UBAP2: variants seen among roughly 807,000 people sequenced by gnomAD.
The protein encoded by UBAP2 is ubiquitin associated protein 2, also known as ubiquitin-associated protein 2.
UBAP2 carries 75 observed loss-of-function variants against 139.6 expected under a neutral mutation model. The ratio of observed to expected loss-of-function variants is 0.54; its 90% CI spans 0.45 to 0.65. The LOEUF is 0.65. UBAP2 is among the 30% of genes least tolerant of loss of function. The pLI, the probability that UBAP2 is intolerant of heterozygous loss-of-function variation, is 0.00. For synonymous variants in UBAP2, 526 were observed against 526.2 expected (o/e 1.00, Z 0.01); for missense variants, 1,368 against 1,369.6 (o/e 1.00, Z 0.02).
At position 33,989,054 on chromosome 9, in the gene UBAP2, CTCTAT is replaced by C. The variant is rs775780791; in HGVS notation, c.356_360del (p.Asn119ArgfsTer29). The C allele has an allele frequency of 6.2e-7, 1 of 1,614,072 alleles. No homozygotes were observed. Among genetic ancestry groups the C allele is most frequent in the Non-Finnish European group, 8.5e-7 (1 of 1,180,002 alleles). On this transcript the variant is annotated frameshift_variant, in exon 5 of 29. Transcript: ENST00000379238. LOFTEE classifies it high-confidence loss of function. ...CTCGATTCTTTCTCGCTTTTCTTCTCTCTATTCTCTTTGTTTTCTGAATTTTCTTT... is the reference window on the plus strand; with the variant it reads ...CTCGATTCTTTCTCGCTTTTCTTCTCTCTCTTTGTTTTCTGAATTTTCTTT...
chr9:34,030,627 T>C (rs1825812329), intron 1 of UBAP2, among the ~76,000 whole-genome samples: 1 of 150,516 alleles, frequency 6.6e-6, no homozygotes, highest in Non-Finnish European at 1.5e-5. Flanking sequence ...GAGACCCTGT[T>C]TCAAAAATAA....
intron 2 of UBAP2, among the ~76,000 whole-genome samples, chr9:34,004,139 T>C (rs1293745644): frequency 6.6e-6 from 1 of 152,184 alleles, no homozygotes; most frequent in Admixed American, 6.5e-5. Context: ...ACAAAGGCTA[T>C]AAAGATATAT....
At chr9:33,943,729 C>A in intron 14 of UBAP2, 140 bp from the exon 15 acceptor site, 1 of 748,558 alleles carries the variant, frequency 1.3e-6, no homozygotes, top group South Asian at 2.2e-5. Flanking sequence ...AGAAAATAGG[C>A]TAAGACTTTT....
chr9:33,956,017 C>A, intron 11 of UBAP2, 62 bp downstream of exon 11: 1 of 1,349,120 alleles, frequency 7.4e-7, no homozygotes, highest in Non-Finnish European at 1.0e-6. Context: ...AATACTTTTC[C>A]TGAGGCAAAA....
intron 2 of UBAP2, among the ~76,000 whole-genome samples, chr9:34,007,437 C>T (rs1823319178): frequency 6.6e-6 from 1 of 151,596 alleles, no homozygotes; most frequent in Non-Finnish European, 1.5e-5. Context: ...GTCAAGGCTA[C>T]CGTGAGCCAT....
At chr9:34,046,453 C>A (rs893285000) in intron 1 of UBAP2, among the ~76,000 whole-genome samples, 1 of 151,884 alleles carries the variant, frequency 6.6e-6, no homozygotes, top group African/African-American at 2.4e-5. Flanking sequence ...ACCATCCCGG[C>A]TAACACAGTG....
At position 33,922,799 on chromosome 9, in the gene UBAP2, AG is replaced by A; in HGVS notation, c.3151del (p.Leu1051TrpfsTer160). 1 of 1,564,276 alleles carries A rather than the reference AG, an allele frequency of 6.4e-7. No homozygotes were observed. Among genetic ancestry groups the A allele is most frequent in the South Asian group, 1.2e-5 (1 of 82,880 alleles). On this transcript the variant is annotated frameshift_variant, in exon 28 of 29. Transcript: ENST00000379238. LOFTEE classifies it high-confidence loss of function. The stretch of plus-strand genomic sequence containing the variant: ...ATAGCCAGGGGCCGCTCCCGAGGCC[AG>A]GGGCCCAGTGGAGCCCAAGACCGAG... ...LPSVLGSTGP[L>X]ASGAAPGYAP... is the part of the protein sequence containing the mutation.
intron 2 of UBAP2, among the ~76,000 whole-genome samples, chr9:34,015,302 T>C (rs927927431): frequency 5.3e-5 from 8 of 152,062 alleles, no homozygotes; most frequent in African/African-American, 1.9e-4. Flanking sequence ...GTATTTAACA[T>C]TAAAAATTTT....
At chr9:34,012,768 G>C (rs1391467795) in intron 2 of UBAP2, among the ~76,000 whole-genome samples, 1 of 151,300 alleles carries the variant, frequency 6.6e-6, no homozygotes, top group Non-Finnish European at 1.5e-5. Flanking sequence ...TTAAAATCTG[G>C]GGAATCTGAA....
chr9:33,927,845 C>CG lies in UBAP2; in HGVS notation c.2322dup (p.Ala775ArgfsTer8). The CG allele has an allele frequency of 6.2e-7, 1 of 1,614,036 alleles. No homozygotes were observed. Among genetic ancestry groups the CG allele is most frequent in the Non-Finnish European group, 8.5e-7 (1 of 1,179,978 alleles). ...CTGCTACTGCTGCTGGATGCACTCG[C>CG]GGGGGTCCCACCCAGACAGAGGCTG... On this transcript the variant is annotated frameshift_variant, in exon 20 of 29. Coordinates refer to ENST00000379238, the MANE Select transcript of UBAP2 (RefSeq NM_001370062.2). LOFTEE classifies it high-confidence loss of function.
intron 1 of UBAP2, among the ~76,000 whole-genome samples, chr9:34,045,580 G>A (rs577058509): frequency 1.3e-5 from 2 of 151,936 alleles, no homozygotes; most frequent in East Asian, 3.9e-4. Context: ...CACCATGTTG[G>A]TTAGGTTAGT....
At chr9:34,014,613 A>G (rs1824083120) in intron 2 of UBAP2, among the ~76,000 whole-genome samples, 1 of 151,810 alleles carries the variant, frequency 6.6e-6, no homozygotes, top group African/African-American at 2.4e-5. Context: ...TGGGCGACAG[A>G]AGGAGACTCC....
intron 15 of UBAP2, among the ~76,000 whole-genome samples, 170 bp downstream of exon 15, chr9:33,943,250 G>C (rs1825385031): frequency 6.6e-6 from 1 of 152,178 alleles, no homozygotes; most frequent in African/African-American, 2.4e-5. Context: ...TAAGGGGCAG[G>C]GCAATGAAGA....
At position 33,923,015 on chromosome 9, in the gene UBAP2, C is replaced by T. The variant is rs999007217; in HGVS notation, c.3023G>A (p.Ser1008Asn). 9 of 1,614,034 alleles carry T rather than the reference C, an allele frequency of 5.6e-6. No individual in the cohort carries two copies. The Admixed American group carries it at 1.3e-4, about 24-fold the overall frequency. ...AGTCATATCAGGTAGACCAGTGGTG[C>T]TTGAAGACACTGATACTCCTAGGAG... ...GPGKGVSVSS[S>N]TTGLPDMTGS... The change falls in exon 27 of 29, where the codon AGC becomes AAC. Residue 1008 changes from serine to asparagine, a missense_variant. Physicochemically the swap from Ser to Asn is conservative, Grantham distance 46 (BLOSUM62 1). Transcript: ENST00000379238.
chr9:33,974,523 A>G (rs1234580046), intron 6 of UBAP2, among the ~76,000 whole-genome samples: 1 of 152,180 alleles, frequency 6.6e-6, no homozygotes, highest in Non-Finnish European at 1.5e-5. Flanking sequence ...AAACAAAAAA[A>G]CACCACGGTA....
At chr9:34,044,183 C>T (rs941263351) in intron 1 of UBAP2, among the ~76,000 whole-genome samples, 4 of 149,994 alleles carry the variant, frequency 2.7e-5, no homozygotes, top group Admixed American at 6.7e-5. Context: ...AGATCACACA[C>T]GAGGTCAGGA....
chr9:33,958,692 C>T (rs920535550), intron 10 of UBAP2, among the ~76,000 whole-genome samples: 1 of 148,882 alleles, frequency 6.7e-6, no homozygotes, highest in Non-Finnish European at 1.5e-5. Flanking sequence ...CAGGCATGAG[C>T]CACTGTGCCC....
Position 33,924,240 on chromosome 9 carries a change from G to A in UBAP2, c.2556C>T (p.Ser852=). Residue 852 remains serine (S), a synonymous_variant, in exon 23 of 29, where the codon AGC becomes AGT. Transcript: ENST00000379238. ...GATTATTAGCTAGGCTCCCATCTCG[G>A]CTGGCAAGCGCTGTGGGTGCAGCAA... ...IPFAAPTALA[S]RDGSLANNPY... is the part of the protein sequence containing the mutation. 3 of 1,614,188 alleles carry A rather than the reference G, an allele frequency of 1.9e-6. No homozygotes were observed. Among genetic ancestry groups the A allele is most frequent in the Non-Finnish European group, 2.5e-6 (3 of 1,180,026 alleles).
intron 16 of UBAP2, among the ~76,000 whole-genome samples, chr9:33,939,273 A>G (rs1824879017): frequency 7.2e-6 from 1 of 139,528 alleles, no homozygotes; most frequent in Non-Finnish European, 1.5e-5. Context: ...CACTCACTGC[A>G]ACCTCCTCCG....
Sources: gnomAD v4.1 joint callset for allele counts (sites outside exome capture counted in the v4.1 genomes callset) on GRCh38, gnomAD v4.1.1 for gene constraint, MANE v1.5 for transcripts, NCBI Gene and HGNC (gene_info 2026-07-23, HGNC 2026-07-21) for gene names.